FBN3: variants seen among roughly 807,000 people sequenced by gnomAD.
FBN3 encodes fibrillin 3.
A neutral mutation model predicts 330.1 loss-of-function variants in FBN3; 234 were observed. The observed-to-expected ratio is 0.71, with a 90% CI of 0.64 to 0.79. FBN3 has a LOEUF of 0.79. Among genes scored for constraint, FBN3 ranks in the 30% least tolerant of loss-of-function variants. FBN3 has a pLI of 0.00. For missense variants in FBN3, 3,606 were observed against 3,886.9 expected (o/e 0.93, Z 1.92); for synonymous variants, 1,458 against 1,517.3 (o/e 0.96, Z 0.91).
chr19:8,084,296 A>G (rs975445312), intron 56 of FBN3, among the ~76,000 whole-genome samples: 10 of 152,142 alleles, frequency 6.6e-5, no homozygotes, highest in African/African-American at 2.4e-4. Context: ...ACAGATGAAC[A>G]TGGTGTATAC....
intron 61 of FBN3, chr19:8,074,834 T>G (rs1342859472): frequency 2.0e-6 from 1 of 488,524 alleles, no homozygotes; most frequent in Non-Finnish European, 3.6e-6. Flanking sequence ...AGAATCTTTC[T>G]CAACTGAGTC....
At chr19:8,104,064 G>T (rs2082386144) in intron 38 of FBN3, among the ~76,000 whole-genome samples, 1 of 150,876 alleles carries the variant, frequency 6.6e-6, no homozygotes, top group Non-Finnish European at 1.5e-5. Flanking sequence ...GGTTAAGGTT[G>T]CAGTGAGCCG....
In FBN3 at chr19:8,125,872, C is replaced by A; in HGVS notation, c.2731+20G>T. On this transcript the variant is annotated intron_variant, in intron 22 of 63. Transcript: ENST00000600128. ...AAGGAAGAACGTGTGGCCCTGTATG[C>A]GGACCTCGCCTGGACTCACCCACGC... The A allele has an allele frequency of 6.3e-7, 1 of 1,593,678 alleles. No homozygotes were observed. Among genetic ancestry groups the A allele is most frequent in the Middle Eastern group, 1.7e-4 (1 of 5,972 alleles).
chr19:8,087,819 G>T lies in FBN3; in HGVS notation c.6619+6C>A, dbSNP rs1176936784. ...GACAGGGTTTTACCATATTAGTCAG[G>T]CCTACCTCGACACATGGCCCCATCC... On this transcript the variant is annotated splice_donor_region_variant and intron_variant, in intron 53 of 63. Coordinates refer to ENST00000600128, the MANE Select transcript of FBN3 (RefSeq NM_032447.5). The T allele has an allele frequency of 6.2e-7, 1 of 1,612,560 alleles. No individual in the cohort carries two copies. The highest frequency in any genetic ancestry group is 1.3e-5 in the African/African-American group (1 of 74,828).
chr19:8,112,129 C>T (rs759318514), intron 30 of FBN3, 30 bp from the exon 31 acceptor site: 5 of 1,605,382 alleles, frequency 3.1e-6, no homozygotes, highest in Non-Finnish European at 3.4e-6. Flanking sequence ...GACGCCAAGA[C>T]CCAGTCACAG....
In FBN3 at chr19:8,121,407, G is replaced by A. The variant is rs1257834495; in HGVS notation, c.3083-21C>T. ...GATATCTGTGGGGAGAGGGGGCAGA[G>A]GCCGGAGGCGCCATGTGGGCCGCAT... On this transcript the variant is annotated intron_variant, in intron 24 of 63. Coordinates refer to ENST00000600128, the MANE Select transcript of FBN3 (RefSeq NM_032447.5). This position sits in a 1 kb window ranked among gnomAD's most constrained non-coding sequence, Gnocchi z 4.5. 4 of 1,571,644 alleles carry A rather than the reference G, an allele frequency of 2.5e-6. No individual in the cohort carries two copies. The highest frequency in any genetic ancestry group is 2.7e-5 in the African/African-American group (2 of 73,936).
Position 8,145,836 on chromosome 19 carries a change from T to C in FBN3, c.445+7A>G, listed in dbSNP as rs376535551. 5.2e-6 allele frequency: 8 copies of C among 1,548,606 alleles called. No homozygotes were observed. In the African/African-American group the frequency reaches 9.6e-5, roughly 19 times the overall value. On this transcript the variant is annotated splice_region_variant and intron_variant, in intron 5 of 63. Coordinates refer to ENST00000600128, the MANE Select transcript of FBN3 (RefSeq NM_032447.5). ...TGCAAAGAGGGGAGTCCCATGGGGA[T>C]ACTCACGCTGCCCACACACGGTGCC...
In FBN3 at chr19:8,080,743, CG is replaced by C. The variant is rs368949533; in HGVS notation, c.7453+259del. 5.3e-3 allele frequency among the ~76,000 whole-genome samples: 809 copies of C among 152,202 alleles called. 11 individuals are homozygous for C. Among genetic ancestry groups the C allele is most frequent in the African/African-American group, 0.019 (781 of 41,538 alleles). ...AAGCGATTCTCCTGCCTCAGCTTCT[CG>C]GAGTTGCTGGGATTACAGGCACCTG... On this transcript the variant is annotated intron_variant, in intron 59 of 63. Transcript: ENST00000600128.
At chr19:8,101,485 T>G (rs1046036817) in intron 40 of FBN3, among the ~76,000 whole-genome samples, 7 of 152,196 alleles carry the variant, frequency 4.6e-5, no homozygotes, top group African/African-American at 1.7e-4. Context: ...CCTCCAGGCC[T>G]TGGCTCCTGC....
At chr19:8,142,425 G>A (rs2083438202) in intron 6 of FBN3, among the ~76,000 whole-genome samples, 1 of 152,072 alleles carries the variant, frequency 6.6e-6, no homozygotes, top group Non-Finnish European at 1.5e-5. Context: ...GAACTGATGG[G>A]ACTCCTTCCC....
intron 41 of FBN3, among the ~76,000 whole-genome samples, chr19:8,098,875 A>G (rs2082267829): frequency 6.7e-6 from 1 of 148,392 alleles, no homozygotes; most frequent in South Asian, 2.1e-4. Context: ...TGTCCATCAA[A>G]AGGAGATCTG....
chr19:8,088,032 C>T, intron 52 of FBN3, 28 bp downstream of exon 52: 2 of 1,614,128 alleles, frequency 1.2e-6, no homozygotes, highest in Non-Finnish European at 1.7e-6. Context: ...CGTCACACGG[C>T]CCAGGTCCTG....
At chr19:8,117,885 C>A (rs971113740) in intron 26 of FBN3, among the ~76,000 whole-genome samples, 3 of 152,034 alleles carry the variant, frequency 2.0e-5, no homozygotes, top group African/African-American at 7.3e-5. Flanking sequence ...CACAGGCACA[C>A]TCAGATACAC....
chr19:8,143,420 C>T (rs72993518), intron 6 of FBN3, among the ~76,000 whole-genome samples: 3,612 of 152,148 alleles, frequency 0.024, 64 homozygotes, highest in Middle Eastern at 0.071. Flanking sequence ...CCTCCTTCTT[C>T]TCTCCCCGTC....
chr19:8,106,580 T>C lies in FBN3; in HGVS notation c.4688-347A>G, dbSNP rs550101867. 9.2e-5 allele frequency among the ~76,000 whole-genome samples: 14 copies of C among 152,132 alleles called. 1 individual carries two copies. In the South Asian group the frequency reaches 2.9e-3, roughly 32 times the overall value. On this transcript the variant is annotated intron_variant, in intron 37 of 63. Coordinates refer to ENST00000600128, the MANE Select transcript of FBN3 (RefSeq NM_032447.5). ...AAGGATGGATGGGAGGATGGATGAA[T>C]GGATGGATGAGTGGATGGATGCATG...
rs1472260736 is a variant in FBN3 at position 8,143,492 on chromosome 19, C to CTTT, written c.542-1358_542-1356dup. ...TGTGTCCGTTCTCCTTTTTTCTTTTCTTTTCTTTTTTTTTTTTTTTTTGAG... is the reference window on the plus strand; with the variant it reads ...TGTGTCCGTTCTCCTTTTTTCTTTTCTTTTTTTCTTTTTTTTTTTTTTTTTGAG... On this transcript the variant is annotated intron_variant, in intron 6 of 63. Coordinates refer to ENST00000600128, the MANE Select transcript of FBN3 (RefSeq NM_032447.5). Among the ~76,000 whole-genome samples, 1,183 of 122,456 alleles carry CTTT rather than the reference C, an allele frequency of 9.7e-3. 24 individuals are homozygous for CTTT. The highest frequency in any genetic ancestry group is 0.039 in the African/African-American group (1,130 of 29,308). 80.3% of individuals were successfully genotyped at this position (122,456 alleles called of 152,430 possible). A position where few individuals can be genotyped will look rare whatever the true frequency, so the allele number is the denominator to read the frequency against.
chr19:8,131,734 C>T lies in FBN3; in HGVS notation c.1810G>A (p.Val604Ile), dbSNP rs2083152931. ...FRCQCLGGLAVGTDGRVCVDT... is the reference protein window; with the variant it reads ...FRCQCLGGLAIGTDGRVCVDT... ...ACGCACACGCGGCCATCCGTGCCTA[C>T]CGCCAGCCCCCCCAGGCACTGGCAG... is the stretch of plus-strand genomic sequence containing the variant. Residue 604 changes from valine (V) to isoleucine (I), a missense_variant, in exon 15 of 64, where the codon GTA becomes ATA. Transcript: ENST00000600128. This position sits in a 1 kb window ranked among gnomAD's most constrained non-coding sequence, Gnocchi z 4.5. The T allele has an allele frequency of 1.9e-6, 3 of 1,613,758 alleles. No individual in the cohort carries two copies. The highest frequency in any genetic ancestry group is 1.7e-4 in the Middle Eastern group (1 of 6,056).
chr19:8,138,812 T>C (rs2083347433), intron 8 of FBN3, among the ~76,000 whole-genome samples: 1 of 152,238 alleles, frequency 6.6e-6, no homozygotes, highest in African/African-American at 2.4e-5. Context: ...TTTGGGAGGC[T>C]GGGGCGGGAG....
At chr19:8,146,443 A>G (rs1176259562) in intron 3 of FBN3, among the ~76,000 whole-genome samples, 1 of 151,902 alleles carries the variant, frequency 6.6e-6, no homozygotes, top group Non-Finnish European at 1.5e-5. Flanking sequence ...TGGGTTGGGG[A>G]CTCTGCTAGA....
Sources: gnomAD v4.1 joint callset for allele counts (sites outside exome capture counted in the v4.1 genomes callset) on GRCh38, gnomAD v4.1.1 for gene constraint, Gnocchi (gnomAD v3.1) non-coding constraint, MANE v1.5 for transcripts, NCBI Gene and HGNC (gene_info 2026-07-23, HGNC 2026-07-21) for gene names.